SCHIP1: variants seen among roughly 807,000 people sequenced by gnomAD.
The protein encoded by SCHIP1 is schwannomin interacting protein 1.
Under a neutral mutation model 29.7 loss-of-function variants are expected in SCHIP1, and 8 were observed. The ratio of observed to expected loss-of-function variants is 0.27; its 90% CI spans 0.16 to 0.49. The LOEUF (loss-of-function observed/expected upper bound fraction) is 0.49. Ranked by LOEUF, SCHIP1 falls within the 20% of genes least tolerant of loss-of-function variation. SCHIP1 has a pLI of 0.99. For missense variants in SCHIP1, 193 were observed against 294.6 expected (o/e 0.66, Z 2.52); for synonymous variants, 76 against 94.9 (o/e 0.80, Z 1.16).
the SCHIP1 span, among the ~76,000 whole-genome samples, chr3:159,522,776 G>A: frequency 1.3e-5 from 2 of 152,210 alleles, no homozygotes; most frequent in Non-Finnish European, 2.9e-5. Context: ...AGCTGAGGCA[G>A]GAGAATCCCT....
chr3:159,516,866 T>C, the SCHIP1 span, among the ~76,000 whole-genome samples: 923 of 152,256 alleles, frequency 6.1e-3, 9 homozygotes, highest in African/African-American at 0.021. Flanking sequence ...CTATCCAAAA[T>C]CCACTCATCA....
At chr3:159,685,000 G>T in the SCHIP1 span, among the ~76,000 whole-genome samples, 1 of 152,098 alleles carries the variant, frequency 6.6e-6, no homozygotes, top group Admixed American at 6.6e-5. Flanking sequence ...AACATCCTGA[G>T]CTCAGGTAAC....
chr3:159,626,297 T>C, the SCHIP1 span, among the ~76,000 whole-genome samples: 1 of 141,448 alleles, frequency 7.1e-6, no homozygotes, highest in Non-Finnish European at 1.5e-5. Flanking sequence ...GATAGATAGA[T>C]AGATTTTTTT....
chr3:159,392,750 G>C, the SCHIP1 span, among the ~76,000 whole-genome samples: 1 of 151,936 alleles, frequency 6.6e-6, no homozygotes, highest in South Asian at 2.1e-4. Flanking sequence ...CTTTGCTATT[G>C]TGAATAGAGC....
the SCHIP1 span, among the ~76,000 whole-genome samples, chr3:159,494,116 A>T: frequency 1.3e-5 from 2 of 152,340 alleles, no homozygotes; most frequent in East Asian, 3.9e-4. Context: ...TGTAGAGGGA[A>T]ATTTATAGCA....
rs193202820 is a variant in SCHIP1 at position 159,876,318 on chromosome 3, G to C, written c.150-9889G>C. Among the ~76,000 whole-genome samples the C allele has an allele frequency of 4.1e-4, 63 of 152,324 alleles. No individual in the cohort carries two copies. The Middle Eastern group carries it at 0.01, about 25-fold the overall frequency. The stretch of plus-strand genomic sequence containing the variant: ...CTAGGCAGGCAGTGTAGCGTGGTGG[G>C]TAGGAGCGGGGTATTGGGAACCAGA... On this transcript the variant is annotated intron_variant, in intron 2 of 6. Transcript: ENST00000445224.
At chr3:159,595,194 C>A in the SCHIP1 span, among the ~76,000 whole-genome samples, 1 of 152,292 alleles carries the variant, frequency 6.6e-6, no homozygotes, top group South Asian at 2.1e-4. Context: ...CACAGAGCAA[C>A]TCTCATGCCT....
At chr3:159,293,531 A>G in the SCHIP1 span, among the ~76,000 whole-genome samples, 270 of 152,336 alleles carry the variant, frequency 1.8e-3, 1 homozygote, top group African/African-American at 6.4e-3. Flanking sequence ...ACCTGCTCCA[A>G]TCTGTGGCCT....
intron 1 of SCHIP1, among the ~76,000 whole-genome samples, chr3:159,850,686 G>A (rs1712499886): frequency 6.6e-6 from 1 of 152,164 alleles, no homozygotes; most frequent in African/African-American, 2.4e-5. Context: ...ACGACAGAAG[G>A]CAAAGGGGAA....
At chr3:159,551,020 G>A in the SCHIP1 span, among the ~76,000 whole-genome samples, 1 of 152,116 alleles carries the variant, frequency 6.6e-6, no homozygotes, top group Admixed American at 6.5e-5. Flanking sequence ...ACCACTATAA[G>A]TTATCTAATA....
At chr3:159,894,818 C>G (rs984762941) in intron 6 of SCHIP1, 1 of 151,702 alleles carries the variant, frequency 6.6e-6, no homozygotes, top group Non-Finnish European at 1.5e-5. Context: ...TGGACTGAAA[C>G]CCTTTCCCTC....
the SCHIP1 span, among the ~76,000 whole-genome samples, chr3:159,284,677 A>G: frequency 6.6e-6 from 1 of 151,546 alleles, no homozygotes; most frequent in African/African-American, 2.4e-5. Flanking sequence ...TTTTTTCTTT[A>G]GTAGAGATTG....
the SCHIP1 span, among the ~76,000 whole-genome samples, chr3:159,619,148 A>T: frequency 6.6e-6 from 1 of 152,250 alleles, no homozygotes; most frequent in Non-Finnish European, 1.5e-5. Context: ...AGTTTCCATC[A>T]GCATTTATCT....
In SCHIP1 at chr3:159,875,024, AAAAAAAAAC is replaced by A. The variant is rs1416051327; in HGVS notation, c.149+8749_149+8757del. ...GAAAGGCCACTGGGTAGTCTAAAAA[AAAAAAAAAC>A]AAAAACTATCATTTTTTATGCCCCT... On this transcript the variant is annotated intron_variant, in intron 2 of 6. Transcript: ENST00000445224. 5.9e-4 allele frequency among the ~76,000 whole-genome samples: 89 copies of A among 151,260 alleles called. 1 individual carries two copies. The highest frequency in any genetic ancestry group is 1.9e-3 in the African/African-American group (80 of 41,366).
chr3:159,420,835 G>T, the SCHIP1 span, among the ~76,000 whole-genome samples: 1 of 152,284 alleles, frequency 6.6e-6, no homozygotes, highest in East Asian at 1.9e-4. Flanking sequence ...GCCACAGTGG[G>T]CAATTGGTAA....
chr3:159,381,015 C>A, the SCHIP1 span, among the ~76,000 whole-genome samples: 1 of 152,166 alleles, frequency 6.6e-6, no homozygotes, highest in African/African-American at 2.4e-5. Context: ...TAAGTGTCAC[C>A]TTCATGTGGG....
the SCHIP1 span, among the ~76,000 whole-genome samples, chr3:159,657,426 C>T: frequency 3.9e-5 from 6 of 152,186 alleles, no homozygotes; most frequent in African/African-American, 1.4e-4. Context: ...CATCACACTC[C>T]GTTTACAGGC....
chr3:159,713,284 G>GAAAT, the SCHIP1 span, among the ~76,000 whole-genome samples: 1 of 141,952 alleles, frequency 7.0e-6, no homozygotes, highest in African/African-American at 2.6e-5. Context: ...AAGAAAGAAA[G>GAAAT]AAAAAAGAAA....
At chr3:159,355,378 A>AC in the SCHIP1 span, among the ~76,000 whole-genome samples, 19 of 152,132 alleles carry the variant, frequency 1.2e-4, no homozygotes, top group African/African-American at 4.3e-4. Flanking sequence ...CTTGCATTGA[A>AC]CCCCCCAACG....
Sources: gnomAD v4.1 joint callset for allele counts (sites outside exome capture counted in the v4.1 genomes callset) on GRCh38, gnomAD v4.1.1 for gene constraint, MANE v1.5 for transcripts, NCBI Gene and HGNC (gene_info 2026-07-23, HGNC 2026-07-21) for gene names.